The following STAT5B variants were observed in gnomAD, a reference collection of about 807,000 sequenced individuals.
STAT5B encodes the protein signal transducer and activator of transcription 5B, also known as transcription factor STAT5B.
Under a neutral mutation model 107.8 loss-of-function variants are expected in STAT5B, and 21 were observed. That is an observed-to-expected ratio of 0.19 (90% CI 0.14 to 0.28). The LOEUF is 0.28. STAT5B is among the 10% of genes least tolerant of loss of function. STAT5B has a pLI of 1.00. For missense variants in STAT5B, 565 were observed against 1,008.2 expected (o/e 0.56, Z 5.95); for synonymous variants, 325 against 401.7 (o/e 0.81, Z 2.28).
At position 42,260,955 on chromosome 17, in the gene STAT5B, C is replaced by T. The variant is rs1299767766; in HGVS notation, c.-11+15293G>A. ...TTCTTGAGACAGAGTCTCATTTTGT[C>T]GCCGAGGCTGAAGTGCAGTGGTGCA... On this transcript the variant is annotated intron_variant, in intron 1 of 18. Transcript: ENST00000293328. Among the ~76,000 whole-genome samples the T allele has an allele frequency of 2.8e-5, 4 of 143,436 alleles. No homozygotes were observed. In the Admixed American group the frequency reaches 2.8e-4, roughly 10 times the overall value. The allele number at this position is 143,436 out of a possible 152,430, so 94.1% of individuals were successfully genotyped here. A position where few individuals can be genotyped will look rare whatever the true frequency, so the allele number is the denominator to read the frequency against.
intron 1 of STAT5B, chr17:42,234,741 A>G (rs1411795911): frequency 6.6e-6 from 1 of 152,250 alleles, no homozygotes; most frequent in Non-Finnish European, 1.5e-5. Context: ...ATGCGTCTAT[A>G]ATTCCAGCTA....
intron 2 of STAT5B, among the ~76,000 whole-genome samples, chr17:42,231,791 C>T (rs2050093721): frequency 6.6e-6 from 1 of 152,056 alleles, no homozygotes; most frequent in South Asian, 2.1e-4. Flanking sequence ...TTTAAAAATC[C>T]CAAGAGTTAT....
the STAT5B span, among the ~76,000 whole-genome samples, chr17:42,284,083 C>T: frequency 6.6e-6 from 1 of 152,118 alleles, no homozygotes; most frequent in African/African-American, 2.4e-5. Context: ...AGGAACTCTC[C>T]TTGAAGAAGG....
chr17:42,251,210 C>A (rs2080496814), intron 1 of STAT5B, among the ~76,000 whole-genome samples: 1 of 151,984 alleles, frequency 6.6e-6, no homozygotes, highest in Non-Finnish European at 1.5e-5. Context: ...CAGAAATTAG[C>A]CAAAAGCTTT....
At chr17:42,254,595 T>A (rs961336305) in intron 1 of STAT5B, among the ~76,000 whole-genome samples, 2 of 151,888 alleles carry the variant, frequency 1.3e-5, no homozygotes, top group Admixed American at 6.6e-5. Context: ...TCCCTCCAGG[T>A]GAACTGCTAG....
intron 12 of STAT5B, 64 bp from the exon 13 acceptor site, chr17:42,212,254 CA>C (rs1598298796): frequency 1.2e-6 from 2 of 1,612,714 alleles, no homozygotes; most frequent in Non-Finnish European, 1.7e-6. Context: ...CCTCAAGCCA[CA>C]AAAGAAAAAC....
intron 12 of STAT5B, chr17:42,214,361 A>C (rs2080154322): frequency 1.4e-5 from 14 of 985,406 alleles, no homozygotes; most frequent in Non-Finnish European, 1.6e-5. Flanking sequence ...AGAGGCAGAC[A>C]GACAGTTTCA....
intron 1 of STAT5B, among the ~76,000 whole-genome samples, chr17:42,259,594 C>G (rs1257181906): frequency 6.6e-6 from 1 of 151,976 alleles, no homozygotes; most frequent in Non-Finnish European, 1.5e-5. Flanking sequence ...TGAGACCAGC[C>G]TGGCCAACAC....
chr17:42,276,928 A>G (rs1381834263), upstream of STAT5B, among the ~76,000 whole-genome samples: 1 of 152,188 alleles, frequency 6.6e-6, no homozygotes, highest in Non-Finnish European at 1.5e-5. The surrounding 1 kb of genome is among the most constrained non-coding windows in gnomAD (Gnocchi z 4.8). Context: ...TGCCGCCTGC[A>G]TGGGCACGGC....
Position 42,235,918 on chromosome 17 carries a change from C to A in STAT5B, c.-10-3781G>T, listed in dbSNP as rs2080353159. Among the ~76,000 whole-genome samples the A allele has an allele frequency of 2.6e-5, 4 of 152,076 alleles. No homozygotes were observed. The South Asian group carries it at 8.3e-4, about 31-fold the overall frequency. ...CCTGCTGGTCAAGCATATTTAGGAGCCTATTACTGTTTTAGGAAAGAAATA... is the reference window on the plus strand; with the variant it reads ...CCTGCTGGTCAAGCATATTTAGGAGACTATTACTGTTTTAGGAAAGAAATA... On this transcript the variant is annotated intron_variant, in intron 1 of 18. Transcript: ENST00000293328.
At chr17:42,255,633 G>A (rs572792511) in intron 1 of STAT5B, among the ~76,000 whole-genome samples, 141 of 152,258 alleles carry the variant, frequency 9.3e-4, no homozygotes, top group Non-Finnish European at 1.4e-3. Context: ...AATGAATGGC[G>A]GTTGTCAGAG....
intron 3 of STAT5B, among the ~76,000 whole-genome samples, chr17:42,226,405 T>G (rs1381476488): frequency 2.6e-5 from 4 of 152,184 alleles, no homozygotes; most frequent in African/African-American, 9.6e-5. Context: ...TTTGAATTAG[T>G]TGACAAAATG....
At position 42,232,099 on chromosome 17, in the gene STAT5B, A is replaced by G; in HGVS notation, c.29T>C (p.Leu10Pro). Residue 10 changes from leucine to proline, a missense_variant, in exon 2 of 19, where the codon CTC becomes CCC. Coordinates refer to ENST00000293328, the MANE Select transcript of STAT5B (RefSeq NM_012448.4). ...CATCTGATGAAGGGCTTCTCCTTGG[A>G]GCTGCTGAGCTTGTATCCACACAGC... MAVWIQAQQ[L>P]QGEALHQMQA... 2 of 1,614,004 alleles carry G rather than the reference A, an allele frequency of 1.2e-6. No individual in the cohort carries two copies. Among genetic ancestry groups the G allele is most frequent in the Non-Finnish European group, 1.7e-6 (2 of 1,179,990 alleles).
intron 18 of STAT5B, 57 bp from the exon 19 acceptor site, chr17:42,201,921 C>G: frequency 6.4e-7 from 1 of 1,564,988 alleles, no homozygotes; most frequent in South Asian, 1.1e-5. Context: ...GAGACCACCC[C>G]AAGCCCCACA....
intron 1 of STAT5B, among the ~76,000 whole-genome samples, chr17:42,241,267 G>A (rs1273133996): frequency 1.3e-5 from 2 of 150,898 alleles, no homozygotes; most frequent in African/African-American, 4.9e-5. Flanking sequence ...TTGAACCTGG[G>A]AGGTAGAAGT....
intron 2 of STAT5B, among the ~76,000 whole-genome samples, chr17:42,230,595 T>G: frequency 6.6e-6 from 1 of 152,052 alleles, no homozygotes; most frequent in East Asian, 1.9e-4. Context: ...TAAAGAAAAA[T>G]TAAAATGCTT....
In STAT5B at chr17:42,211,927, G is replaced by A. The variant is rs140437438; in HGVS notation, c.1680+57C>T. The A allele has an allele frequency of 1.1e-4, 178 of 1,562,324 alleles. 2 individuals are homozygous for A. The African/African-American group carries it at 2.2e-3, about 19-fold the overall frequency. On this transcript the variant is annotated intron_variant, in intron 13 of 18. Transcript: ENST00000293328. ...AAGGGCCCAGGGCAGGGAGACTCCT[G>A]AGAGCATCTGGTTGGGAAGGACTGA...
chr17:42,286,032 C>T, the STAT5B span, among the ~76,000 whole-genome samples: 1 of 151,856 alleles, frequency 6.6e-6, no homozygotes, highest in Non-Finnish European at 1.5e-5. Flanking sequence ...CCAGCCTGAC[C>T]AACATGGAGA....
intron 1 of STAT5B, among the ~76,000 whole-genome samples, chr17:42,247,341 T>A (rs1299130576): frequency 6.6e-6 from 1 of 152,268 alleles, no homozygotes; most frequent in African/African-American, 2.4e-5. Context: ...CAGGTAGCTG[T>A]GTTCTCTTAA....
Sources: gnomAD v4.1 joint callset for allele counts (sites outside exome capture counted in the v4.1 genomes callset) on GRCh38, gnomAD v4.1.1 for gene constraint, Gnocchi (gnomAD v3.1) non-coding constraint, MANE v1.5 for transcripts, NCBI Gene and HGNC (gene_info 2026-07-23, HGNC 2026-07-21) for gene names.